Variants in HIBADH observed in about 807,000 individuals in gnomAD.
The protein encoded by HIBADH is 3-hydroxyisobutyrate dehydrogenase.
A neutral mutation model predicts 36.1 loss-of-function variants in HIBADH; 25 were observed. The observed-to-expected ratio is 0.69, with a 90% CI of 0.50 to 0.97. The LOEUF (loss-of-function observed/expected upper bound fraction) is 0.97. HIBADH is among the 50% of genes least tolerant of loss of function. The probability of loss-of-function intolerance (pLI) is 0.00; values close to 1 mark genes in which losing one functional copy is unlikely to be tolerated. For synonymous variants in HIBADH, 160 were observed against 149.5 expected (o/e 1.07, Z -0.51); for missense variants, 421 against 418.0 (o/e 1.01, Z -0.06).
chr7:27,615,452 G>C (rs991485421), intron 4 of HIBADH, among the ~76,000 whole-genome samples: 49 of 152,136 alleles, frequency 3.2e-4, no homozygotes, highest in Non-Finnish European at 5.9e-4. Context: ...CTGAAGTCTA[G>C]GAGCACAAGA....
At chr7:27,657,696 C>T (rs1176489260) in intron 1 of HIBADH, among the ~76,000 whole-genome samples, 1 of 152,046 alleles carries the variant, frequency 6.6e-6, no homozygotes, top group Non-Finnish European at 1.5e-5. Flanking sequence ...ATTAGATGAC[C>T]TGATGTCAAA....
intron 4 of HIBADH, among the ~76,000 whole-genome samples, chr7:27,548,586 C>T (rs780264395): frequency 2.6e-5 from 4 of 152,092 alleles, no homozygotes; most frequent in South Asian, 2.1e-4. Context: ...AAAGATTCAA[C>T]GAGTAAACAT....
At chr7:27,596,670 T>C (rs1562636460) in intron 4 of HIBADH, among the ~76,000 whole-genome samples, 1 of 152,172 alleles carries the variant, frequency 6.6e-6, no homozygotes, top group Non-Finnish European at 1.5e-5. Flanking sequence ...TAAAGTAAAT[T>C]TATTACAGGC....
intron 4 of HIBADH, among the ~76,000 whole-genome samples, chr7:27,567,714 A>G (rs1177305612): frequency 1.3e-5 from 2 of 152,128 alleles, no homozygotes; most frequent in Non-Finnish European, 2.9e-5. Flanking sequence ...TTTCATGTCC[A>G]TTGAAAATTA....
chr7:27,552,143 A>G (rs1784327069), intron 4 of HIBADH, among the ~76,000 whole-genome samples: 1 of 152,228 alleles, frequency 6.6e-6, no homozygotes. Context: ...CTTTCTAGAA[A>G]AGATTGCCGT....
chr7:27,550,389 A>G (rs974983033), intron 4 of HIBADH, among the ~76,000 whole-genome samples: 2 of 152,090 alleles, frequency 1.3e-5, no homozygotes, highest in Admixed American at 6.5e-5. Flanking sequence ...ATGAGCTCTG[A>G]TTTTTAAATC....
At chr7:27,579,863 T>A (rs1784764598) in intron 4 of HIBADH, among the ~76,000 whole-genome samples, 1 of 152,218 alleles carries the variant, frequency 6.6e-6, no homozygotes, top group African/African-American at 2.4e-5. Context: ...ATAATACCAT[T>A]TGACTCACAT....
intron 4 of HIBADH, among the ~76,000 whole-genome samples, chr7:27,572,207 T>C (rs945126194): frequency 2.0e-5 from 3 of 152,236 alleles, no homozygotes; most frequent in African/African-American, 7.2e-5. Context: ...TTATTTATTA[T>C]TCTTATTTCA....
Position 27,542,956 on chromosome 7 carries a change from A to G in HIBADH, c.618+11T>C, listed in dbSNP as rs377399312. ...ATCATCAAGTCAAGGTCATTAATGT[A>G]AAAATCTTACCTGCCCAGTCCCAAC... On this transcript the variant is annotated intron_variant, in intron 5 of 7. Coordinates refer to ENST00000265395, the MANE Select transcript of HIBADH (RefSeq NM_152740.4). 65 of 1,611,030 alleles carry G rather than the reference A, an allele frequency of 4.0e-5. No individual in the cohort carries two copies. Among genetic ancestry groups the G allele is most frequent in the Non-Finnish European group, 2.3e-5 (27 of 1,178,806 alleles).
chr7:27,661,263 TGA>T (rs1287660275), intron 1 of HIBADH, among the ~76,000 whole-genome samples: 16 of 152,060 alleles, frequency 1.1e-4, no homozygotes, highest in Admixed American at 1.0e-3. Flanking sequence ...GAGGTTTCAC[TGA>T]GGGGGAGAAT....
chr7:27,541,005 T>C (rs559468072), intron 5 of HIBADH, among the ~76,000 whole-genome samples: 8 of 152,308 alleles, frequency 5.3e-5, no homozygotes, highest in Non-Finnish European at 7.4e-5. Flanking sequence ...AGCAACTTTA[T>C]AGATAAGGGC....
chr7:27,554,399 A>G (rs1784362560), intron 4 of HIBADH, among the ~76,000 whole-genome samples: 1 of 152,192 alleles, frequency 6.6e-6, no homozygotes, highest in Non-Finnish European at 1.5e-5. Flanking sequence ...CATTTCTGTG[A>G]TTGGAGTTGG....
chr7:27,565,856 G>C (rs1208097759), intron 4 of HIBADH, among the ~76,000 whole-genome samples: 1 of 151,938 alleles, frequency 6.6e-6, no homozygotes, highest in Non-Finnish European at 1.5e-5. Context: ...TATCATGAAT[G>C]GATGTTGAAT....
intron 4 of HIBADH, among the ~76,000 whole-genome samples, chr7:27,586,672 G>A (rs1010091646): frequency 2.0e-5 from 3 of 151,746 alleles, no homozygotes; most frequent in Non-Finnish European, 2.9e-5. Flanking sequence ...GGAGGAGGAG[G>A]AGACAAAAAG....
intron 4 of HIBADH, among the ~76,000 whole-genome samples, chr7:27,615,211 CTATGAAGAAGACAGG>C (rs1785405445): frequency 1.3e-5 from 2 of 151,976 alleles, no homozygotes. Context: ...ACTATGACTG[CTATGAAGAAGACAGG>C]AGGCCACCAA....
chr7:27,639,259 T>TA (rs1248254770), intron 2 of HIBADH, among the ~76,000 whole-genome samples: 4 of 152,020 alleles, frequency 2.6e-5, no homozygotes, highest in African/African-American at 9.7e-5. Flanking sequence ...TATGCAGCCA[T>TA]AAAAAAGAAT....
chr7:27,611,736 G>C (rs1785325540), intron 4 of HIBADH, among the ~76,000 whole-genome samples: 1 of 152,120 alleles, frequency 6.6e-6, no homozygotes, highest in Admixed American at 6.5e-5. Context: ...CGGGGAGTCA[G>C]GTACAGGTTA....
At chr7:27,528,187 GCT>G (rs560827029) in intron 7 of HIBADH, among the ~76,000 whole-genome samples, 4 of 151,678 alleles carry the variant, frequency 2.6e-5, no homozygotes, top group Non-Finnish European at 5.9e-5. Context: ...CTGAATGGCA[GCT>G]CTCTCTCTCT....
intron 4 of HIBADH, among the ~76,000 whole-genome samples, chr7:27,573,357 G>A (rs1207819391): frequency 6.6e-6 from 1 of 152,086 alleles, no homozygotes; most frequent in Non-Finnish European, 1.5e-5. Flanking sequence ...CTACATCATC[G>A]TCTTATCATG....
Sources: allele counts gnomAD v4.1 joint callset (sites outside exome capture counted in the v4.1 genomes callset), GRCh38; gene constraint gnomAD v4.1.1; transcripts MANE v1.5; gene names NCBI Gene and HGNC (gene_info 2026-07-23, HGNC 2026-07-21).